Variants in PKHD1 observed in about 807,000 individuals in gnomAD.
PKHD1 encodes fibrocystin.
In PKHD1, 291 loss-of-function variants were observed where a neutral mutation model predicts 412.0. That is an observed-to-expected ratio of 0.71 (90% CI 0.64 to 0.78). The LOEUF (loss-of-function observed/expected upper bound fraction) is 0.78. Among genes scored for constraint, PKHD1 ranks in the 30% least tolerant of loss-of-function variants. The pLI is 0.00. For synonymous variants in PKHD1, 1,777 were observed against 1,821.5 expected (o/e 0.98, Z 0.62); for missense variants, 4,825 against 4,950.7 (o/e 0.97, Z 0.76).
At chr6:51,694,444 C>T (rs112440921) in intron 60 of PKHD1, among the ~76,000 whole-genome samples, 2,737 of 150,694 alleles carry the variant, frequency 0.018, 39 homozygotes, top group Non-Finnish European at 0.029. Flanking sequence ...AATGCAGTGG[C>T]GTGATCTCGG....
chr6:51,933,632 G>A (rs1179066374), intron 37 of PKHD1, among the ~76,000 whole-genome samples: 6 of 152,206 alleles, frequency 3.9e-5, no homozygotes, highest in East Asian at 1.9e-4. Context: ...GCCCCATGTC[G>A]TCTTCGTTCA....
intron 66 of PKHD1, among the ~76,000 whole-genome samples, chr6:51,624,511 C>CA (rs200381494): frequency 5.3e-5 from 8 of 151,950 alleles, no homozygotes; most frequent in African/African-American, 1.2e-4. Context: ...GTTAGGACCC[C>CA]AAAAAAATGT....
intron 19 of PKHD1, 95 bp downstream of exon 19, chr6:52,055,492 T>A: frequency 7.2e-7 from 1 of 1,395,058 alleles, no homozygotes; most frequent in Non-Finnish European, 1.0e-6. Flanking sequence ...ATCACAGCAA[T>A]CACTCCTTTG....
chr6:51,721,717 T>A, intron 60 of PKHD1: 1 of 1,335,020 alleles, frequency 7.5e-7, no homozygotes. Flanking sequence ...GACAATGGTG[T>A]CACTGTTGAC....
At chr6:51,938,305 T>C (rs1787844841) in intron 36 of PKHD1, among the ~76,000 whole-genome samples, 1 of 152,214 alleles carries the variant, frequency 6.6e-6, no homozygotes, top group Non-Finnish European at 1.5e-5. Context: ...TACATCCAGA[T>C]GGCCTGAAGT....
chr6:51,763,419 C>T (rs1340008813), intron 55 of PKHD1, among the ~76,000 whole-genome samples: 1 of 152,054 alleles, frequency 6.6e-6, no homozygotes, highest in African/African-American at 2.4e-5. Context: ...AGCTCAGACT[C>T]CAAATGAGGT....
intron 52 of PKHD1, among the ~76,000 whole-genome samples, chr6:51,797,770 A>G (rs1794831038): frequency 6.6e-6 from 1 of 151,956 alleles, no homozygotes; most frequent in African/African-American, 2.4e-5. Context: ...AAAAGACTCT[A>G]TGTCTTTTAA....
chr6:51,901,784 A>G (rs185743704), intron 43 of PKHD1, among the ~76,000 whole-genome samples: 285 of 152,054 alleles, frequency 1.9e-3, no homozygotes, highest in African/African-American at 6.7e-3. Context: ...CTAAAACTCC[A>G]TTCTCAAAAC....
intron 43 of PKHD1, among the ~76,000 whole-genome samples, chr6:51,896,731 A>G (rs2127591478): frequency 6.6e-6 from 1 of 152,216 alleles, no homozygotes; most frequent in Admixed American, 6.5e-5. Context: ...ACGGGAGGAC[A>G]TTCAAACCAA....
At chr6:52,056,657 C>G (rs759075685) in intron 18 of PKHD1, 41 bp downstream of exon 18, 6 of 1,330,834 alleles carry the variant, frequency 4.5e-6, no homozygotes, top group Non-Finnish European at 4.3e-6. Context: ...GAAAGAAGAC[C>G]ATGATGAAAA....
intron 50 of PKHD1, among the ~76,000 whole-genome samples, chr6:51,837,061 G>C (rs986368150): frequency 1.2e-4 from 19 of 152,162 alleles, no homozygotes; most frequent in African/African-American, 4.6e-4. Flanking sequence ...ATGACAATTT[G>C]ATGTCAGGAT....
chr6:51,999,161 G>C (rs1235498968), intron 35 of PKHD1, among the ~76,000 whole-genome samples: 2 of 152,216 alleles, frequency 1.3e-5, no homozygotes, highest in Non-Finnish European at 2.9e-5. Flanking sequence ...GCCTATGCCT[G>C]AAACTACCAT....
chr6:52,079,793 T>G (rs1193116272), intron 5 of PKHD1, 107 bp downstream of exon 5: 1 of 779,648 alleles, frequency 1.3e-6, no homozygotes, highest in Non-Finnish European at 2.4e-6. Context: ...CCATTTTCTT[T>G]TAACCCGGTC....
chr6:52,065,078 T>C (rs766534841), intron 12 of PKHD1, 28 bp from the exon 13 acceptor site: 2 of 1,052,450 alleles, frequency 1.9e-6, no homozygotes, highest in Admixed American at 1.8e-5. Context: ...AATTTATGTA[T>C]GTGTGTGTGT....
intron 46 of PKHD1, among the ~76,000 whole-genome samples, chr6:51,874,255 G>A (rs1776479684): frequency 6.8e-6 from 1 of 147,942 alleles, no homozygotes; most frequent in South Asian, 2.3e-4. Flanking sequence ...TAAGTAGGGT[G>A]ACCGTAATTT....
chr6:51,819,215 G>C (rs1409537), intron 52 of PKHD1, among the ~76,000 whole-genome samples: 31 of 152,184 alleles, frequency 2.0e-4, no homozygotes, highest in African/African-American at 7.2e-4. Context: ...GAGAACAGCT[G>C]GTACTATATC....
chr6:51,933,235 T>A (rs1786930579), intron 37 of PKHD1, among the ~76,000 whole-genome samples: 1 of 152,140 alleles, frequency 6.6e-6, no homozygotes, highest in South Asian at 2.1e-4. Flanking sequence ...GGAAAAAAAA[T>A]GTCCATTTTG....
intron 35 of PKHD1, among the ~76,000 whole-genome samples, chr6:51,999,997 T>C (rs113916808): frequency 0.011 from 1,651 of 152,320 alleles, 39 homozygotes; most frequent in African/African-American, 0.037. Context: ...GTTGGGTGCC[T>C]TTAATTCTTC....
At chr6:51,775,053 T>C (rs926103251) in intron 54 of PKHD1, among the ~76,000 whole-genome samples, 1 of 150,644 alleles carries the variant, frequency 6.6e-6, no homozygotes, top group Non-Finnish European at 1.5e-5. Context: ...ACAGCTTAAA[T>C]ATAATAACAT....
Sources: gnomAD v4.1 joint callset for allele counts (sites outside exome capture counted in the v4.1 genomes callset) on GRCh38, gnomAD v4.1.1 for gene constraint, MANE v1.5 for transcripts, NCBI Gene and HGNC (gene_info 2026-07-23, HGNC 2026-07-21) for gene names.